The following ANKIB1 variants were observed in gnomAD, a reference collection of about 807,000 sequenced individuals.
The protein encoded by ANKIB1 is ankyrin repeat and IBR domain-containing protein 1.
A neutral mutation model predicts 122.1 loss-of-function variants in ANKIB1; 43 were observed. That is an observed-to-expected ratio of 0.35 (90% CI 0.28 to 0.45). The LOEUF is 0.45. Among genes scored for constraint, ANKIB1 ranks in the 20% least tolerant of loss-of-function variants. ANKIB1 has a pLI of 1.00. For synonymous variants in ANKIB1, 390 were observed against 442.0 expected (o/e 0.88, Z 1.48); for missense variants, 992 against 1,329.5 (o/e 0.75, Z 3.95).
intron 5 of ANKIB1, among the ~76,000 whole-genome samples, chr7:92,330,089 G>A (rs570753062): frequency 2.4e-4 from 37 of 152,028 alleles, no homozygotes; most frequent in Non-Finnish European, 4.6e-4. Flanking sequence ...TTACCAATCC[G>A]AATTGTCCTT....
intron 3 of ANKIB1, among the ~76,000 whole-genome samples, chr7:92,316,584 A>T (rs182496698): frequency 1.3e-5 from 2 of 152,338 alleles, no homozygotes; most frequent in East Asian, 3.9e-4. Context: ...AATGAGATAC[A>T]GGTCTTTATG....
chr7:92,325,909 TTTTC>T (rs1340622205), intron 4 of ANKIB1: 43 of 439,598 alleles, frequency 9.8e-5, no homozygotes, highest in African/African-American at 7.6e-4. Context: ...TTAGTTTTCT[TTTTC>T]TTTCTTTATG....
intron 4 of ANKIB1, chr7:92,325,853 A>G: frequency 2.5e-6 from 1 of 406,626 alleles, no homozygotes; most frequent in Non-Finnish European, 4.9e-6. Flanking sequence ...TAGCAGTAGT[A>G]TGCACTAATG....
chr7:92,310,758 T>G (rs1009534126), intron 3 of ANKIB1, among the ~76,000 whole-genome samples: 3 of 152,172 alleles, frequency 2.0e-5, no homozygotes, highest in African/African-American at 7.2e-5. Context: ...TAAGTGTCGT[T>G]AGGGAATAAT....
chr7:92,380,195 C>G (rs1562797798), intron 11 of ANKIB1, among the ~76,000 whole-genome samples: 1 of 152,210 alleles, frequency 6.6e-6, no homozygotes, highest in Non-Finnish European at 1.5e-5. Flanking sequence ...GGAGGGGCAT[C>G]TGCCATTGCT....
At chr7:92,253,317 C>A (rs1255934540) in intron 1 of ANKIB1, among the ~76,000 whole-genome samples, 1 of 152,130 alleles carries the variant, frequency 6.6e-6, no homozygotes, top group Non-Finnish European at 1.5e-5. Context: ...GCCATGTAGA[C>A]CATCTCCCAC....
At chr7:92,356,750 A>G (rs1360453516) in intron 9 of ANKIB1, among the ~76,000 whole-genome samples, 1 of 152,208 alleles carries the variant, frequency 6.6e-6, no homozygotes, top group East Asian at 1.9e-4. Context: ...TTTAGCTTCA[A>G]ATTTTAGCTT....
intron 1 of ANKIB1, among the ~76,000 whole-genome samples, chr7:92,274,351 T>C (rs1435909142): frequency 6.6e-6 from 1 of 152,130 alleles, no homozygotes; most frequent in Non-Finnish European, 1.5e-5. Flanking sequence ...AAAAGGTAGT[T>C]TATGCTTAGG....
intron 17 of ANKIB1, among the ~76,000 whole-genome samples, chr7:92,392,897 AAGAC>A (rs1457363433): frequency 6.6e-6 from 1 of 152,094 alleles, no homozygotes; most frequent in African/African-American, 2.4e-5. Flanking sequence ...AAATAAAAAT[AAGAC>A]AGAGTGAAAC....
chr7:92,314,849 G>C (rs879908530), intron 3 of ANKIB1, among the ~76,000 whole-genome samples: 1 of 152,174 alleles, frequency 6.6e-6, no homozygotes, highest in Non-Finnish European at 1.5e-5. Context: ...AGGAGTGATA[G>C]GAGTTAGAAG....
At chr7:92,353,887 A>G (rs1377408795) in intron 9 of ANKIB1, among the ~76,000 whole-genome samples, 1 of 152,234 alleles carries the variant, frequency 6.6e-6, no homozygotes, top group Non-Finnish European at 1.5e-5. Context: ...CTGGTTGAAA[A>G]AGGCTGATTT....
intron 3 of ANKIB1, among the ~76,000 whole-genome samples, chr7:92,316,001 G>T (rs1412954830): frequency 6.6e-6 from 1 of 152,042 alleles, no homozygotes; most frequent in Non-Finnish European, 1.5e-5. Flanking sequence ...TGAATAGTAG[G>T]GGTTACCTCT....
intron 2 of ANKIB1, among the ~76,000 whole-genome samples, chr7:92,299,747 A>G (rs1311783107): frequency 2.0e-5 from 3 of 152,162 alleles, no homozygotes; most frequent in African/African-American, 7.2e-5. Context: ...TTAATATATA[A>G]TGGGTTTATT....
chr7:92,353,193 T>TA (rs1278280824), intron 9 of ANKIB1, among the ~76,000 whole-genome samples: 1 of 152,114 alleles, frequency 6.6e-6, no homozygotes, highest in African/African-American at 2.4e-5. Flanking sequence ...AGTGGGGCTC[T>TA]AAAAAAAGAA....
Position 92,372,429 on chromosome 7 carries a change from G to A in ANKIB1, c.1617+822G>A, listed in dbSNP as rs192810337. On this transcript the variant is annotated intron_variant, in intron 11 of 19. Coordinates refer to ENST00000265742, the MANE Select transcript of ANKIB1 (RefSeq NM_019004.2). ...GGGACTTGATTATTCTCAGATTTTG[G>A]TGTTTGCAGGAGGTCTTGGAACCAA... Among the ~76,000 whole-genome samples, 363 of 152,156 alleles carry A rather than the reference G, an allele frequency of 2.4e-3. 2 individuals are homozygous for A. The highest frequency in any genetic ancestry group is 8.2e-3 in the African/African-American group (340 of 41,504).
At chr7:92,377,135 A>C (rs540769025) in intron 11 of ANKIB1, among the ~76,000 whole-genome samples, 4 of 152,282 alleles carry the variant, frequency 2.6e-5, no homozygotes, top group African/African-American at 9.6e-5. Context: ...AAGCTTAATC[A>C]TCTAGCATTT....
chr7:92,380,549 C>G (rs926169893), intron 11 of ANKIB1, among the ~76,000 whole-genome samples: 3 of 152,202 alleles, frequency 2.0e-5, no homozygotes, highest in African/African-American at 7.2e-5. Flanking sequence ...AAGGACCAGG[C>G]AGCAATATTT....
intron 11 of ANKIB1, among the ~76,000 whole-genome samples, chr7:92,385,612 T>C (rs1804619907): frequency 6.6e-6 from 1 of 152,222 alleles, no homozygotes; most frequent in Non-Finnish European, 1.5e-5. Flanking sequence ...ACCATTATTC[T>C]GAGCAAACTA....
At chr7:92,365,986 G>A (rs374701632) in intron 10 of ANKIB1, among the ~76,000 whole-genome samples, 2 of 151,074 alleles carry the variant, frequency 1.3e-5, no homozygotes, top group Non-Finnish European at 3.0e-5. Context: ...TAGTAGAGAC[G>A]GGGTTTCACC....
Sources: allele counts gnomAD v4.1 joint callset (sites outside exome capture counted in the v4.1 genomes callset), GRCh38; gene constraint gnomAD v4.1.1; transcripts MANE v1.5; gene names NCBI Gene and HGNC (gene_info 2026-07-23, HGNC 2026-07-21).